The following DLG2 variants were observed in gnomAD, a reference collection of about 807,000 sequenced individuals.
The protein encoded by DLG2 is disks large homolog 2.
DLG2 carries 45 observed loss-of-function variants against 132.5 expected under a neutral mutation model. The ratio of observed to expected loss-of-function variants is 0.34; its 90% CI spans 0.27 to 0.44. The LOEUF (loss-of-function observed/expected upper bound fraction) is 0.44. DLG2 is among the 20% of genes least tolerant of loss of function. The pLI is 1.00. For missense variants in DLG2, 1,045 were observed against 1,196.9 expected (o/e 0.87, Z 1.87); for synonymous variants, 424 against 419.6 (o/e 1.01, Z -0.13).
Position 84,074,391 on chromosome 11 carries a change from T to C in DLG2, c.750-14907A>G, listed in dbSNP as rs114562243. ...CTTCTAGCTACAATATCTATCCCAG[T>C]CCATCAACTTTTCTCCATCTCTACG... On this transcript the variant is annotated intron_variant, in intron 10 of 27. Transcript: ENST00000376104. 5.1e-3 allele frequency among the ~76,000 whole-genome samples: 773 copies of C among 152,248 alleles called. 7 individuals carry two copies. The highest frequency in any genetic ancestry group is 0.018 in the African/African-American group (728 of 41,544).
In DLG2 at chr11:84,023,147, T is replaced by G. The variant is rs528035403; in HGVS notation, c.919+36168A>C. 1.4e-4 allele frequency among the ~76,000 whole-genome samples: 22 copies of G among 152,268 alleles called. No individual in the cohort carries two copies. The East Asian group carries it at 4.2e-3, about 29-fold the overall frequency. ...ATGAGTTATTTCACTACTAAAATTATAAATAGTCTGCCAAAAATTAAGTAA... is the reference window on the plus strand; with the variant it reads ...ATGAGTTATTTCACTACTAAAATTAGAAATAGTCTGCCAAAAATTAAGTAA... On this transcript the variant is annotated intron_variant, in intron 11 of 27. Transcript: ENST00000376104.
intron 3 of DLG2, among the ~76,000 whole-genome samples, chr11:85,414,933 C>A (rs2089686707): frequency 6.6e-6 from 1 of 151,996 alleles, no homozygotes; most frequent in South Asian, 2.1e-4. Flanking sequence ...CATAGGTATA[C>A]ACATGCCATG....
At chr11:84,256,080 A>C (rs2097464217) in intron 7 of DLG2, among the ~76,000 whole-genome samples, 1 of 152,118 alleles carries the variant, frequency 6.6e-6, no homozygotes, top group South Asian at 2.1e-4. Flanking sequence ...TGACATACAA[A>C]TGTTCTCAGA....
At chr11:83,486,278 T>C in intron 21 of DLG2, 1 of 688,326 alleles carries the variant, frequency 1.5e-6, no homozygotes, top group South Asian at 1.6e-5. Context: ...AAAAATCATG[T>C]AAGAATTAAT....
chr11:85,359,633 C>T (rs897196218), intron 3 of DLG2, among the ~76,000 whole-genome samples: 1 of 152,102 alleles, frequency 6.6e-6, no homozygotes, highest in Admixed American at 6.5e-5. Flanking sequence ...AATTGTTTAA[C>T]ATGGTTGTAA....
intron 18 of DLG2, among the ~76,000 whole-genome samples, chr11:83,772,177 G>A (rs536394627): frequency 2.0e-4 from 31 of 152,196 alleles, no homozygotes; most frequent in African/African-American, 7.5e-4. Flanking sequence ...GGAGGCTGAG[G>A]CAGGCAGATC....
chr11:84,464,110 T>C (rs947972582), intron 7 of DLG2, among the ~76,000 whole-genome samples: 1 of 151,214 alleles, frequency 6.6e-6, no homozygotes, highest in Non-Finnish European at 1.5e-5. Flanking sequence ...GGGAACTAAA[T>C]TGACCGATTC....
At chr11:85,325,244 G>C (rs1169941574) in intron 3 of DLG2, among the ~76,000 whole-genome samples, 1 of 152,108 alleles carries the variant, frequency 6.6e-6, no homozygotes, top group African/African-American at 2.4e-5. Context: ...AAGCAGCTGG[G>C]AAGCTCGAAC....
intron 18 of DLG2, among the ~76,000 whole-genome samples, chr11:83,728,004 G>A (rs2090333493): frequency 6.6e-6 from 1 of 152,158 alleles, no homozygotes; most frequent in Non-Finnish European, 1.5e-5. Flanking sequence ...TATCACAATT[G>A]TAGTGATATG....
At position 84,200,805 on chromosome 11, in the gene DLG2, G is replaced by A. The variant is rs1451030889; in HGVS notation, c.574-37294C>T. Among the ~76,000 whole-genome samples, 3 of 152,138 alleles carry A rather than the reference G, an allele frequency of 2.0e-5. No homozygotes were observed. In the East Asian group the frequency reaches 5.8e-4, roughly 29 times the overall value. ...ATTTTGCACATTGATTCGGTATCCT[G>A]AGACTTTGCTGAAGTTGCTTATCAG... On this transcript the variant is annotated intron_variant, in intron 8 of 27. Coordinates refer to ENST00000376104, the MANE Select transcript of DLG2 (RefSeq NM_001142699.3).
intron 15 of DLG2, among the ~76,000 whole-genome samples, chr11:83,875,898 G>T (rs902162566): frequency 6.6e-6 from 1 of 152,138 alleles, no homozygotes; most frequent in African/African-American, 2.4e-5. Flanking sequence ...TGAGGGTACA[G>T]AATTTTGAGA....
intron 3 of DLG2, among the ~76,000 whole-genome samples, chr11:85,503,999 T>A (rs1241131350): frequency 6.6e-6 from 1 of 152,174 alleles, no homozygotes; most frequent in Non-Finnish European, 1.5e-5. Flanking sequence ...GTTGGCTGCA[T>A]AAATGTCTTC....
At chr11:85,066,815 C>A (rs1238883443) in intron 6 of DLG2, among the ~76,000 whole-genome samples, 2 of 151,600 alleles carry the variant, frequency 1.3e-5, no homozygotes, top group African/African-American at 4.8e-5. Context: ...CCATATACAA[C>A]AAACCTACAG....
intron 6 of DLG2, among the ~76,000 whole-genome samples, chr11:84,748,128 C>T (rs1160395616): frequency 6.6e-6 from 1 of 152,192 alleles, no homozygotes; most frequent in African/African-American, 2.4e-5. Context: ...AGCTGCAGGG[C>T]TCTCCCATTT....
intron 7 of DLG2, among the ~76,000 whole-genome samples, chr11:84,502,665 T>C (rs2099224354): frequency 6.6e-6 from 1 of 151,926 alleles, no homozygotes; most frequent in South Asian, 2.1e-4. Flanking sequence ...CCCAAAGTGC[T>C]GGCATTACAG....
At position 84,192,572 on chromosome 11, in the gene DLG2, T is replaced by C. The variant is rs983885989; in HGVS notation, c.574-29061A>G. On this transcript the variant is annotated intron_variant, in intron 8 of 27. Transcript: ENST00000376104. ...GGTGAAATCCTGTCTCTAATAAAAA[T>C]ACAAAAAATTAGCTGGGCGTGGTGG... Among the ~76,000 whole-genome samples the C allele has an allele frequency of 1.3e-4, 19 of 151,790 alleles. No individual in the cohort carries two copies. In the South Asian group the frequency reaches 1.7e-3, roughly 13 times the overall value.
At chr11:84,674,045 T>C (rs2099708802) in intron 6 of DLG2, among the ~76,000 whole-genome samples, 2 of 152,150 alleles carry the variant, frequency 1.3e-5, no homozygotes, top group Admixed American at 1.3e-4. Flanking sequence ...ACTCACATAA[T>C]GTAGGGGTAA....
chr11:83,947,764 T>C (rs962715025), intron 14 of DLG2, among the ~76,000 whole-genome samples: 1 of 152,210 alleles, frequency 6.6e-6, no homozygotes, highest in African/African-American at 2.4e-5. Context: ...GTCAAATAGC[T>C]AGTAAATGGT....
intron 6 of DLG2, among the ~76,000 whole-genome samples, chr11:84,695,859 TA>T (rs2058560756): frequency 6.6e-6 from 1 of 151,426 alleles, no homozygotes; most frequent in African/African-American, 2.4e-5. Flanking sequence ...ACCTTACCCT[TA>T]AGGAGATTGT....
Sources: allele counts gnomAD v4.1 joint callset (sites outside exome capture counted in the v4.1 genomes callset), GRCh38; gene constraint gnomAD v4.1.1; transcripts MANE v1.5; gene names NCBI Gene and HGNC (gene_info 2026-07-23, HGNC 2026-07-21).